CSMD1: variants seen among roughly 807,000 people sequenced by gnomAD.
CSMD1 encodes CUB and sushi domain-containing protein 1.
Under a neutral mutation model 417.5 loss-of-function variants are expected in CSMD1, and 213 were observed. The ratio of observed to expected loss-of-function variants is 0.51; its 90% CI spans 0.46 to 0.57. CSMD1 has a LOEUF of 0.57. Ranked by LOEUF, CSMD1 falls within the 20% of genes least tolerant of loss-of-function variation. The probability of loss-of-function intolerance (pLI) is 0.00; values close to 1 mark genes in which losing one functional copy is unlikely to be tolerated. For missense variants in CSMD1, 6,923 were observed against 4,529.7 expected, an observed-to-expected ratio of 1.53 and a Z score of -15.17; for synonymous variants, 2,862 against 1,736.8, an observed-to-expected ratio of 1.65 and a Z score of -16.11.
At chr8:3,276,960 T>G (rs995490179) in intron 26 of CSMD1, among the ~76,000 whole-genome samples, 1 of 152,124 alleles carries the variant, frequency 6.6e-6, no homozygotes, top group Admixed American at 6.6e-5. Context: ...ATTATAGAAG[T>G]ATAAACATTG....
chr8:4,208,216 C>G (rs1800095992), intron 3 of CSMD1, among the ~76,000 whole-genome samples: 1 of 152,094 alleles, frequency 6.6e-6, no homozygotes, highest in African/African-American at 2.4e-5. Context: ...GATATTTCTT[C>G]TTGCTTTGAA....
At chr8:3,535,904 C>T (rs1202123286) in intron 10 of CSMD1, among the ~76,000 whole-genome samples, 1 of 152,146 alleles carries the variant, frequency 6.6e-6, no homozygotes, top group Non-Finnish European at 1.5e-5. Context: ...CTTCCCCCTC[C>T]TGGTGGATGC....
chr8:3,744,141 C>T (rs925202004), intron 6 of CSMD1, among the ~76,000 whole-genome samples: 1 of 152,168 alleles, frequency 6.6e-6, no homozygotes, highest in Non-Finnish European at 1.5e-5. Flanking sequence ...TGAGACTTGT[C>T]TCGTCACTTT....
intron 7 of CSMD1, among the ~76,000 whole-genome samples, chr8:3,629,708 GCACAGAAAGAATAAAGGTAAAA>G: frequency 1.4e-5 from 2 of 147,630 alleles, no homozygotes; most frequent in Middle Eastern, 7.0e-3. Flanking sequence ...CACATGATCG[GCACAGAAAGAATAAAGGTAAAA>G]CACTATATGC....
At chr8:4,048,037 T>C (rs1045274914) in intron 3 of CSMD1, among the ~76,000 whole-genome samples, 13 of 151,532 alleles carry the variant, frequency 8.6e-5, no homozygotes, top group African/African-American at 2.9e-4. Context: ...CCCACTAAAA[T>C]GACATGTAGA....
At chr8:4,247,317 C>G (rs947279033) in intron 3 of CSMD1, among the ~76,000 whole-genome samples, 1 of 152,156 alleles carries the variant, frequency 6.6e-6, no homozygotes, top group Non-Finnish European at 1.5e-5. Flanking sequence ...CTCTACCACA[C>G]TGCCCTGTCA....
intron 3 of CSMD1, among the ~76,000 whole-genome samples, chr8:4,285,102 A>T (rs1563388878): frequency 1.3e-5 from 2 of 152,218 alleles, no homozygotes; most frequent in Admixed American, 1.3e-4. Context: ...TGCTATTATT[A>T]TGAATGCTAA....
At chr8:3,040,455 G>A (rs1169318433) in intron 50 of CSMD1, among the ~76,000 whole-genome samples, 2 of 143,260 alleles carry the variant, frequency 1.4e-5, no homozygotes, top group Non-Finnish European at 3.0e-5. Context: ...ATTACAAATT[G>A]AAATCTATCT....
intron 37 of CSMD1, among the ~76,000 whole-genome samples, chr8:3,169,265 G>A (rs2129043159): frequency 6.6e-6 from 1 of 152,250 alleles, no homozygotes; most frequent in African/African-American, 2.4e-5. Context: ...ACAAGTTTCA[G>A]GACTTTGGAT....
intron 5 of CSMD1, among the ~76,000 whole-genome samples, chr8:3,820,607 G>A (rs1801677759): frequency 6.6e-6 from 1 of 152,098 alleles, no homozygotes; most frequent in Admixed American, 6.6e-5. Flanking sequence ...ATGGAGTCTT[G>A]CTCTCTTGTC....
At chr8:4,758,605 G>T (rs990074940) in intron 1 of CSMD1, among the ~76,000 whole-genome samples, 3 of 152,288 alleles carry the variant, frequency 2.0e-5, no homozygotes, top group African/African-American at 7.2e-5. Flanking sequence ...ATAAACAAAA[G>T]ATGTTTAATT....
At chr8:3,186,231 G>C (rs1049905745) in intron 36 of CSMD1, among the ~76,000 whole-genome samples, 2 of 152,164 alleles carry the variant, frequency 1.3e-5, no homozygotes, top group East Asian at 1.9e-4. Context: ...AACAAACACA[G>C]TGTCTGATAT....
intron 33 of CSMD1, among the ~76,000 whole-genome samples, chr8:3,194,522 A>C (rs1326578491): frequency 6.6e-6 from 1 of 151,146 alleles, no homozygotes; most frequent in Non-Finnish European, 1.5e-5. Context: ...CAGTGGTGTG[A>C]TCTAGGCTCA....
Position 4,288,446 on chromosome 8 carries a change from G to A in CSMD1, c.415+131507C>T, listed in dbSNP as rs905633152. On this transcript the variant is annotated intron_variant, in intron 3 of 69. Transcript: ENST00000635120. ...AACTCAGGAAATTCAATTCAATGCTGTAGCCATTTCTCCTGTACTGCTGAC... is the reference window on the plus strand; with the variant it reads ...AACTCAGGAAATTCAATTCAATGCTATAGCCATTTCTCCTGTACTGCTGAC... 4.6e-5 allele frequency among the ~76,000 whole-genome samples: 7 copies of A among 152,170 alleles called. No homozygotes were observed. In the South Asian group the frequency reaches 8.3e-4, roughly 18 times the overall value.
At chr8:4,208,542 C>A (rs1174155856) in intron 3 of CSMD1, among the ~76,000 whole-genome samples, 1 of 152,176 alleles carries the variant, frequency 6.6e-6, no homozygotes, top group Non-Finnish European at 1.5e-5. Context: ...TATTTTTAAA[C>A]TTCAATATCA....
intron 1 of CSMD1, among the ~76,000 whole-genome samples, chr8:4,910,760 A>T (rs1395046094): frequency 1.3e-5 from 2 of 152,202 alleles, no homozygotes; most frequent in Non-Finnish European, 2.9e-5. Flanking sequence ...ATATTGTCTC[A>T]CCCCAACAAG....
At chr8:3,194,180 C>T (rs775899634) in intron 33 of CSMD1, among the ~76,000 whole-genome samples, 6 of 152,092 alleles carry the variant, frequency 3.9e-5, no homozygotes, top group Non-Finnish European at 7.4e-5. Context: ...TTTATAGGCT[C>T]TTGACACAAA....
At chr8:3,062,451 G>C (rs1314191282) in intron 49 of CSMD1, among the ~76,000 whole-genome samples, 1 of 151,950 alleles carries the variant, frequency 6.6e-6, no homozygotes, top group East Asian at 1.9e-4. Context: ...TGTTTGAAAG[G>C]ATAAAGAAAA....
At chr8:3,552,560 G>A in intron 10 of CSMD1, among the ~76,000 whole-genome samples, 1 of 152,116 alleles carries the variant, frequency 6.6e-6, no homozygotes, top group East Asian at 1.9e-4. Flanking sequence ...TAAACATAAG[G>A]TGGGGGGCAT....
Sources: allele counts gnomAD v4.1 joint callset (sites outside exome capture counted in the v4.1 genomes callset), GRCh38; gene constraint gnomAD v4.1.1; transcripts MANE v1.5; gene names NCBI Gene and HGNC (gene_info 2026-07-23, HGNC 2026-07-21).